The following NOTCH2NLB variants were observed in gnomAD, a reference collection of about 807,000 sequenced individuals.
The protein encoded by NOTCH2NLB is notch 2 N-terminal like B, also known as notch homolog 2 N-terminal-like protein B.
A neutral mutation model predicts 14.8 loss-of-function variants in NOTCH2NLB; 1 was observed. The ratio of observed to expected loss-of-function variants is 0.07; its 90% CI spans 0.02 to 0.32. NOTCH2NLB has a LOEUF of 0.32. NOTCH2NLB is among the 10% of genes least tolerant of loss of function. NOTCH2NLB has a pLI of 1.00. For synonymous variants in NOTCH2NLB, 6 were observed against 57.5 expected, an observed-to-expected ratio of 0.10 and a Z score of 4.05; for missense variants, 11 against 155.0, an observed-to-expected ratio of 0.07 and a Z score of 4.93.
In NOTCH2NLB at chr1:148,676,908, TCTC is replaced by T. The variant is rs1264452011; in HGVS notation, c.3+2551_3+2553del. On this transcript the variant is annotated intron_variant, in intron 1 of 4. Coordinates refer to ENST00000593495, the Ensembl canonical transcript of NOTCH2NLB. Reference sequence around the variant, plus strand: ...AAAAATAAGAGAGACTAGGAATCACTCTCCTCCTCCTCTCCACCACACCAAAAA... The same window carrying T: ...AAAAATAAGAGAGACTAGGAATCACTCTCCTCCTCTCCACCACACCAAAAA... Among the ~76,000 whole-genome samples the T allele has an allele frequency of 1.0e-4, 5 of 49,870 alleles. 1 individual carries two copies. The highest frequency in any genetic ancestry group is 2.2e-4 in the Non-Finnish European group (5 of 22,562). The allele number at this position is 49,870 out of a possible 152,430, so 32.7% of individuals were successfully genotyped here. A position where few individuals can be genotyped will look rare whatever the true frequency, so the allele number is the denominator to read the frequency against.
chr1:148,626,233 G>GA (rs1663982222), intron 2 of NOTCH2NLB, among the ~76,000 whole-genome samples: 1 of 109,362 alleles, frequency 9.1e-6, no homozygotes. Flanking sequence ...GTAAAGAGGG[G>GA]AAAAAAAGAG....
downstream of NOTCH2NLB, among the ~76,000 whole-genome samples, chr1:148,602,277 AAAAG>A (rs1157290288): frequency 1.4e-4 from 8 of 58,134 alleles, no homozygotes; most frequent in East Asian, 1.0e-3. Context: ...AAAAAAAAAA[AAAAG>A]AAAAGAAAAG....
At chr1:148,649,511 CTTTTTT>C (rs1305052742) in intron 1 of NOTCH2NLB, among the ~76,000 whole-genome samples, 3 of 60,328 alleles carry the variant, frequency 5.0e-5, no homozygotes, top group African/African-American at 1.7e-4. Context: ...CTTTTTAAAG[CTTTTTT>C]TTTTTTTTTT....
At chr1:148,674,509 AG>A (rs1664811487) in intron 1 of NOTCH2NLB, among the ~76,000 whole-genome samples, 1 of 66,276 alleles carries the variant, frequency 1.5e-5, no homozygotes, top group Admixed American at 1.4e-4. Context: ...TAGCAAAAAA[AG>A]TCTGTGGGTG....
At chr1:148,690,966 TA>T in the NOTCH2NLB span, among the ~76,000 whole-genome samples, 1 of 43,774 alleles carries the variant, frequency 2.3e-5, no homozygotes, top group African/African-American at 8.2e-5. Flanking sequence ...AGAAGACTTG[TA>T]AAAATGCCAA....
At chr1:148,625,480 T>TA (rs1227471491) in intron 2 of NOTCH2NLB, among the ~76,000 whole-genome samples, 3 of 97,538 alleles carry the variant, frequency 3.1e-5, no homozygotes, top group Non-Finnish European at 5.8e-5. Context: ...TCATGATTTT[T>TA]AAAAAAACTA....
the NOTCH2NLB span, among the ~76,000 whole-genome samples, chr1:148,693,095 C>CT: frequency 3.4e-5 from 4 of 117,422 alleles, no homozygotes; most frequent in Non-Finnish European, 7.0e-5. Flanking sequence ...GCCGCCCCCC[C>CT]CCCCCCACCA....
At chr1:148,602,280 AGAAAAG>A (rs1558378327), downstream of NOTCH2NLB, among the ~76,000 whole-genome samples, 4 of 52,420 alleles carry the variant, frequency 7.6e-5, no homozygotes, top group Non-Finnish European at 9.0e-5. Flanking sequence ...AAAAAAAAAA[AGAAAAG>A]AAAAGAAAAT....
intron 3 of NOTCH2NLB, among the ~76,000 whole-genome samples, chr1:148,610,130 A>G (rs1359244831): frequency 5.1e-5 from 7 of 138,508 alleles, no homozygotes; most frequent in South Asian, 4.6e-4. Context: ...TTTTCTAAAA[A>G]TACAAAAATT....
intron 1 of NOTCH2NLB, among the ~76,000 whole-genome samples, chr1:148,645,615 G>A (rs1327646440): frequency 6.8e-6 from 1 of 147,826 alleles, no homozygotes; most frequent in Non-Finnish European, 1.5e-5. Context: ...ATTGAACTCA[G>A]TTCCATTCCT....
At position 148,608,323 on chromosome 1, in the gene NOTCH2NLB, G is replaced by C. The variant is rs1179264352; in HGVS notation, c.338-578C>G. ...AATCACTTGAACCCAGGAGGCGGAG[G>C]TTGCAGTGAGCCGAGATTGTACCAC... On this transcript the variant is annotated intron_variant, in intron 3 of 4. Transcript: ENST00000593495. 2.9e-5 allele frequency among the ~76,000 whole-genome samples: 4 copies of C among 136,182 alleles called. No individual in the cohort carries two copies. The East Asian group carries it at 6.0e-4, about 20-fold the overall frequency. The allele number at this position is 136,182 out of a possible 152,430, so 89.3% of individuals were successfully genotyped here. A position where few individuals can be genotyped will look rare whatever the true frequency, so the allele number is the denominator to read the frequency against.
chr1:148,610,367 A>AAG (rs1327436531), intron 3 of NOTCH2NLB, among the ~76,000 whole-genome samples: 10 of 118,462 alleles, frequency 8.4e-5, no homozygotes, highest in East Asian at 4.5e-4. Context: ...GAAAGAAAGA[A>AAG]AGAAAGAGAA....
At chr1:148,661,410 A>C (rs1408550558) in intron 1 of NOTCH2NLB, among the ~76,000 whole-genome samples, 3 of 150,216 alleles carry the variant, frequency 2.0e-5, no homozygotes, top group Non-Finnish European at 3.0e-5. Flanking sequence ...TCAGATATTC[A>C]AATTTTTTAA....
chr1:148,627,612 C>T (rs1336067270), intron 2 of NOTCH2NLB, among the ~76,000 whole-genome samples: 103 of 151,232 alleles, frequency 6.8e-4, no homozygotes, highest in South Asian at 2.5e-3. Flanking sequence ...CCTCTGTACA[C>T]GCTGTTCAGT....
At chr1:148,634,278 C>T (rs1664173466) in intron 2 of NOTCH2NLB, among the ~76,000 whole-genome samples, 1 of 149,854 alleles carries the variant, frequency 6.7e-6, no homozygotes, top group South Asian at 2.1e-4. Flanking sequence ...AGGCACCGTA[C>T]TTGAAGGAAC....
chr1:148,610,045 T>C (rs1161418977), intron 3 of NOTCH2NLB, among the ~76,000 whole-genome samples: 1 of 143,258 alleles, frequency 7.0e-6, no homozygotes, highest in East Asian at 2.0e-4. Context: ...CCCAGCACTT[T>C]GGGAGGCTGA....
intron 1 of NOTCH2NLB, among the ~76,000 whole-genome samples, 193 bp downstream of exon 1, chr1:148,679,269 C>G (rs1205794349): frequency 3.0e-5 from 1 of 32,818 alleles, no homozygotes; most frequent in African/African-American, 1.1e-4. Context: ...GGCGGGGAAC[C>G]CCGGCGGTTG....
intron 1 of NOTCH2NLB, among the ~76,000 whole-genome samples, chr1:148,645,851 G>A (rs1295134555): frequency 1.3e-5 from 2 of 150,756 alleles, no homozygotes; most frequent in South Asian, 2.1e-4. Context: ...TAAGTTCCTG[G>A]GATATGGAAA....
intron 2 of NOTCH2NLB, among the ~76,000 whole-genome samples, chr1:148,637,065 T>C (rs1664216916): frequency 1.2e-5 from 1 of 84,136 alleles, no homozygotes; most frequent in African/African-American, 6.9e-5. Flanking sequence ...CAGCTCCATT[T>C]TCTTTTTTTT....
Sources: allele counts gnomAD v4.1 joint callset (sites outside exome capture counted in the v4.1 genomes callset), GRCh38; gene constraint gnomAD v4.1.1; transcripts MANE v1.5; gene names NCBI Gene and HGNC (gene_info 2026-07-23, HGNC 2026-07-21).